The following SMO variants were observed in gnomAD, a reference collection of about 807,000 sequenced individuals.
SMO encodes the protein protein smoothened.
Under a neutral mutation model 81.6 loss-of-function variants are expected in SMO, and 40 were observed. The ratio of observed to expected loss-of-function variants is 0.49; its 90% CI spans 0.38 to 0.64. The LOEUF (loss-of-function observed/expected upper bound fraction) is 0.64, where lower values mean the gene tolerates loss of function less well. Among genes scored for constraint, SMO ranks in the 30% least tolerant of loss-of-function variants. The pLI is 0.00. For synonymous variants in SMO, 434 were observed against 432.1 expected (o/e 1.00, Z -0.05); for missense variants, 916 against 1,061.1 (o/e 0.86, Z 1.90).
intron 1 of SMO, among the ~76,000 whole-genome samples, chr7:129,193,758 CAAAAAAAAAAA>C (rs35934044): frequency 2.7e-4 from 2 of 7,458 alleles, no homozygotes; most frequent in Non-Finnish European, 4.1e-4. Flanking sequence ...GACTCCATCT[CAAAAAAAAAAA>C]AAAAAAAAAA....
rs1793854679 is a variant in SMO at position 129,210,660 on chromosome 7, AC to A, written c.1652+114del. On this transcript the variant is annotated intron_variant, in intron 9 of 11. Coordinates refer to ENST00000249373, the MANE Select transcript of SMO (RefSeq NM_005631.5). This position sits in a 1 kb window ranked among gnomAD's most constrained non-coding sequence, Gnocchi z 4.7. ...CTAGCACAGCCTTGGTCAGTGGTTC[AC>A]CGCTGCCCCCTGGTGGCACCTTCTG... The A allele has an allele frequency of 9.9e-6, 9 of 911,056 alleles. No individual in the cohort carries two copies. In the South Asian group the frequency reaches 1.1e-4, roughly 11 times the overall value. The allele number at this position is 911,056 out of a possible 1,614,324, so 56.4% of individuals were successfully genotyped here.
intron 1 of SMO, among the ~76,000 whole-genome samples, chr7:129,190,887 T>C (rs1051939125): frequency 6.6e-6 from 1 of 152,238 alleles, no homozygotes; most frequent in Non-Finnish European, 1.5e-5. Context: ...ATGTGTTACA[T>C]GTATACTCAT....
chr7:129,197,714 C>A lies in SMO; in HGVS notation c.332-5670C>A, dbSNP rs371265855. 3.0e-4 allele frequency among the ~76,000 whole-genome samples: 46 copies of A among 152,204 alleles called. 1 individual carries two copies. The East Asian group carries it at 7.5e-3, about 25-fold the overall frequency. On this transcript the variant is annotated intron_variant, in intron 1 of 11. Transcript: ENST00000249373. ...AGGATTACAGGTGTGAGCCACTGCG[C>A]CCGGCTGAATTTTATCAACTTTTTT...
chr7:129,204,845 G>A (rs1301447435), intron 2 of SMO, among the ~76,000 whole-genome samples: 31 of 37,830 alleles, frequency 8.2e-4, no homozygotes, highest in Admixed American at 1.7e-3. Context: ...GTGAAACCCC[G>A]TCTAAAATAC....
chr7:129,190,189 T>C (rs1793461257), intron 1 of SMO, among the ~76,000 whole-genome samples: 1 of 152,200 alleles, frequency 6.6e-6, no homozygotes, highest in Non-Finnish European at 1.5e-5. Context: ...TTTGGAAATT[T>C]GGTTACCGAG....
intron 1 of SMO, among the ~76,000 whole-genome samples, chr7:129,196,967 A>G (rs1793590699): frequency 6.8e-6 from 1 of 147,094 alleles, no homozygotes; most frequent in Non-Finnish European, 1.5e-5. Flanking sequence ...CAATGAGCCC[A>G]GATTGTGCCA....
In SMO at chr7:129,206,301, T is replaced by A. The variant is rs2150650222; in HGVS notation, c.1072T>A (p.Ser358Thr). 1 of 1,614,188 alleles carries A rather than the reference T, an allele frequency of 6.2e-7. No homozygotes were observed. The highest frequency in any genetic ancestry group is 1.1e-5 in the South Asian group (1 of 91,086). The stretch of plus-strand genomic sequence containing the variant: ...CTACCAGCCTCTCTCGGGCAAGACC[T>A]CCTACTTCCACCTGCTCACCTGGTC... ...TTYQPLSGKT[S>T]YFHLLTWSLP... is the part of the protein sequence containing the mutation. Residue 358 changes from serine (S) to threonine (T), a missense_variant, in exon 5 of 12, where the codon TCC becomes ACC. By Grantham distance (58) the Ser-to-Thr change is moderately conservative. Around this residue, in one of 4 missense-constraint regions of SMO, gnomAD observed 436 missense variants for 570.9 expected, o/e 0.76. Coordinates refer to ENST00000249373, the MANE Select transcript of SMO (RefSeq NM_005631.5). The surrounding 1 kb of genome is among the most constrained non-coding windows in gnomAD (Gnocchi z 4.4).
At chr7:129,196,980 G>A (rs1474505318) in intron 1 of SMO, among the ~76,000 whole-genome samples, 1 of 133,028 alleles carries the variant, frequency 7.5e-6, no homozygotes, top group African/African-American at 2.9e-5. Context: ...TTGTGCCACT[G>A]CACTCCAGCC....
chr7:129,211,213 C>A lies in SMO; in HGVS notation c.1801+100C>A. Reference sequence around the variant, plus strand: ...GGGGCACACAGATTATTTGGAAGACCGACTGTGAGGAGCAAGGCGCTCCCT... The same window carrying A: ...GGGGCACACAGATTATTTGGAAGACAGACTGTGAGGAGCAAGGCGCTCCCT... On this transcript the variant is annotated intron_variant, in intron 10 of 11. Coordinates refer to ENST00000249373, the MANE Select transcript of SMO (RefSeq NM_005631.5). This position sits in a 1 kb window ranked among gnomAD's most constrained non-coding sequence, Gnocchi z 4.6. The A allele has an allele frequency of 1.5e-6, 2 of 1,318,916 alleles. No individual in the cohort carries two copies. The highest frequency in any genetic ancestry group is 1.9e-5 in the Admixed American group (1 of 52,786). 81.7% of individuals were successfully genotyped at this position (1,318,916 alleles called of 1,614,324 possible). A position where few individuals can be genotyped will look rare whatever the true frequency, so the allele number is the denominator to read the frequency against.
At chr7:129,209,583 G>A (rs548486575) in intron 8 of SMO, among the ~76,000 whole-genome samples, 186 bp downstream of exon 8, 4 of 152,148 alleles carry the variant, frequency 2.6e-5, no homozygotes, top group South Asian at 2.1e-4. Flanking sequence ...AACAACCTTC[G>A]CATCCCTTCT....
In SMO at chr7:129,205,596, C is replaced by A; in HGVS notation, c.748-14C>A. 6.2e-7 allele frequency: 1 copy of A among 1,609,260 alleles called. No homozygotes were observed. The highest frequency in any genetic ancestry group is 1.1e-5 in the South Asian group (1 of 90,986). ...AACCCTAACCTCACAGAATGGCCCA[C>A]TTCTCTCTTCTAGGCCACATTCGTG... On this transcript the variant is annotated splice_polypyrimidine_tract_variant and intron_variant, in intron 3 of 11. Coordinates refer to ENST00000249373, the MANE Select transcript of SMO (RefSeq NM_005631.5).
intron 1 of SMO, among the ~76,000 whole-genome samples, chr7:129,195,731 C>T (rs552042003): frequency 2.9e-4 from 44 of 152,138 alleles, no homozygotes; most frequent in African/African-American, 1.0e-3. Context: ...TGATTATAAG[C>T]ATTGACATTA....
chr7:129,191,267 C>G (rs1021273488), intron 1 of SMO, among the ~76,000 whole-genome samples: 2 of 152,352 alleles, frequency 1.3e-5, no homozygotes, highest in South Asian at 4.1e-4. Context: ...CTCTTTCCAG[C>G]CCATACTCTT....
chr7:129,192,772 G>A (rs530551026), intron 1 of SMO, among the ~76,000 whole-genome samples: 12 of 152,300 alleles, frequency 7.9e-5, no homozygotes, highest in African/African-American at 2.9e-4. Context: ...GGAAGAAGAA[G>A]TTTAGGCAGG....
chr7:129,202,240 C>T (rs780508955), intron 1 of SMO, among the ~76,000 whole-genome samples: 1 of 152,264 alleles, frequency 6.6e-6, no homozygotes, highest in African/African-American at 2.4e-5. Flanking sequence ...ACAGATGAGG[C>T]AACTGAGGCT....
intron 1 of SMO, among the ~76,000 whole-genome samples, chr7:129,200,383 T>C (rs976179435): frequency 6.6e-6 from 1 of 152,130 alleles, no homozygotes; most frequent in African/African-American, 2.4e-5. Context: ...ATCACATTAC[T>C]GCACTCCAGC....
chr7:129,207,665 G>A (rs1215637283), intron 6 of SMO, among the ~76,000 whole-genome samples: 2 of 152,124 alleles, frequency 1.3e-5, no homozygotes, highest in Admixed American at 6.6e-5. Flanking sequence ...AGGCTGAGAC[G>A]GACGGATCAC....
At chr7:129,200,433 C>A (rs1036607608) in intron 1 of SMO, among the ~76,000 whole-genome samples, 9 of 151,894 alleles carry the variant, frequency 5.9e-5, no homozygotes, top group Non-Finnish European at 1.2e-4. Context: ...AAAAAAAAAT[C>A]ATTTCCCATC....
chr7:129,210,469 A>G lies in SMO; in HGVS notation c.1573A>G (p.Met525Val). ...LLVEKINLFA[M>V]FGTGIAMSTW... The stretch of plus-strand genomic sequence containing the variant: ...GGTGGAGAAGATCAACCTGTTTGCC[A>G]TGTTTGGAACTGGCATCGCCATGAG... The change falls in exon 9 of 12, where the codon ATG becomes GTG. Residue 525 changes from methionine (M) to valine (V), a missense_variant. By Grantham distance (21) the Met-to-Val change is conservative. This residue lies in a region of SMO where 436 missense variants were observed against 570.9 expected (regional missense o/e 0.76). Transcript: ENST00000249373. The surrounding 1 kb of genome is among the most constrained non-coding windows in gnomAD (Gnocchi z 4.7). The G allele has an allele frequency of 6.2e-7, 1 of 1,614,178 alleles. No homozygotes were observed. Among genetic ancestry groups the G allele is most frequent in the Non-Finnish European group, 8.5e-7 (1 of 1,180,020 alleles).
Sources: gnomAD v4.1 joint callset for allele counts (sites outside exome capture counted in the v4.1 genomes callset) on GRCh38, gnomAD v4.1.1 for gene constraint, gnomAD v4.1.1 regional missense constraint, Gnocchi (gnomAD v3.1) non-coding constraint, MANE v1.5 for transcripts, NCBI Gene and HGNC (gene_info 2026-07-23, HGNC 2026-07-21) for gene names.